Variants in RUNDC3B observed in about 807,000 individuals in gnomAD.
RUNDC3B encodes the protein RUN domain-containing protein 3B.
In RUNDC3B, 33 loss-of-function variants were observed where a neutral mutation model predicts 58.4. That is an observed-to-expected ratio of 0.56 (90% CI 0.43 to 0.75). The LOEUF (loss-of-function observed/expected upper bound fraction) is 0.75. Among genes scored for constraint, RUNDC3B ranks in the 30% least tolerant of loss-of-function variants. RUNDC3B has a pLI of 0.00. For synonymous variants in RUNDC3B, 193 were observed against 195.2 expected, an observed-to-expected ratio of 0.99 and a Z score of 0.10; for missense variants, 501 against 535.7, an observed-to-expected ratio of 0.94 and a Z score of 0.64.
rs1215807778 is a variant in RUNDC3B, at chr7:87,700,537, A to T, written c.355A>T (p.Ser119Cys). 1 of 1,612,760 alleles carries T rather than the reference A, an allele frequency of 6.2e-7. No homozygotes were observed. Among genetic ancestry groups the T allele is most frequent in the Non-Finnish European group, 8.5e-7 (1 of 1,179,638 alleles). The change falls in exon 3 of 11, where the codon AGT becomes TGT. Residue 119 changes from serine to cysteine, a missense_variant. Transcript: ENST00000394654. ...CAGCATTGAAAATATGGAAAATGTC[A>T]GTTCTTCTAGAGCTAAGGTAAGACA... ...ICSIENMENVSSSRAKGRAWI... is the reference protein window; with the variant it reads ...ICSIENMENVCSSRAKGRAWI...
At chr7:87,821,971 A>C (rs1837475511) in intron 10 of RUNDC3B, among the ~76,000 whole-genome samples, 1 of 152,186 alleles carries the variant, frequency 6.6e-6, no homozygotes, top group Non-Finnish European at 1.5e-5. Context: ...CATTCAGGAC[A>C]TAGGCATGGG....
At chr7:87,800,110 T>C (rs1836052669) in intron 8 of RUNDC3B, among the ~76,000 whole-genome samples, 1 of 152,116 alleles carries the variant, frequency 6.6e-6, no homozygotes, top group Admixed American at 6.6e-5. Context: ...ATTGGAATAT[T>C]TGGAACCACA....
At chr7:87,813,648 T>A (rs1307960404) in intron 9 of RUNDC3B, among the ~76,000 whole-genome samples, 1 of 152,140 alleles carries the variant, frequency 6.6e-6, no homozygotes, top group East Asian at 1.9e-4. Context: ...AACTACTTTT[T>A]AAATTCCTAT....
intron 2 of RUNDC3B, among the ~76,000 whole-genome samples, chr7:87,678,273 C>T (rs1826578218): frequency 6.6e-6 from 1 of 152,092 alleles, no homozygotes; most frequent in Non-Finnish European, 1.5e-5. Context: ...CTCTTGAAAG[C>T]AAAATTTATG....
At chr7:87,760,617 C>G (rs1443555350) in intron 6 of RUNDC3B, among the ~76,000 whole-genome samples, 5 of 151,952 alleles carry the variant, frequency 3.3e-5, no homozygotes, top group African/African-American at 9.7e-5. Context: ...ATGCTGCTAG[C>G]ACAAGGATAT....
chr7:87,669,940 A>G (rs886976922), intron 2 of RUNDC3B, among the ~76,000 whole-genome samples: 7 of 152,044 alleles, frequency 4.6e-5, no homozygotes, highest in African/African-American at 1.2e-4. Context: ...AGCTGATGAC[A>G]TGTGTTTTGG....
At chr7:87,826,805 A>C (rs1232338545) in intron 10 of RUNDC3B, among the ~76,000 whole-genome samples, 2 of 152,194 alleles carry the variant, frequency 1.3e-5, no homozygotes, top group African/African-American at 4.8e-5. Flanking sequence ...AATTCTACTA[A>C]AATTATTACA....
In RUNDC3B at chr7:87,823,821, CACATAT is replaced by C. The variant is rs1019469961; in HGVS notation, c.1226-6062_1226-6057del. Among the ~76,000 whole-genome samples the C allele has an allele frequency of 1.3e-4, 20 of 151,030 alleles. 1 individual carries two copies. In the East Asian group the frequency reaches 2.9e-3, roughly 22 times the overall value. On this transcript the variant is annotated intron_variant, in intron 10 of 10. Transcript: ENST00000394654. ...ACACACACACACACACACACACACA[CACATAT>C]ATATATACACACTCACCTACATACA...
At chr7:87,823,314 T>C (rs550676830) in intron 10 of RUNDC3B, among the ~76,000 whole-genome samples, 122 of 152,264 alleles carry the variant, frequency 8.0e-4, no homozygotes, top group African/African-American at 2.9e-3. Context: ...CCAAGTCACA[T>C]AGCCCTTTCC....
At chr7:87,744,614 C>T (rs919193215) in intron 6 of RUNDC3B, among the ~76,000 whole-genome samples, 5 of 152,158 alleles carry the variant, frequency 3.3e-5, no homozygotes, top group African/African-American at 4.8e-5. Flanking sequence ...ATTTGATTCT[C>T]CACTTGGTTG....
At chr7:87,656,676 A>T (rs1824136899) in intron 2 of RUNDC3B, among the ~76,000 whole-genome samples, 1 of 152,144 alleles carries the variant, frequency 6.6e-6, no homozygotes, top group Admixed American at 6.6e-5. Flanking sequence ...GACTTAATTG[A>T]TAGTTTAAAA....
chr7:87,752,228 C>G lies in RUNDC3B; in HGVS notation c.629+10649C>G, dbSNP rs1232417528. On this transcript the variant is annotated intron_variant, in intron 6 of 10. Transcript: ENST00000394654. ...CCTTGCATCCCAGGGATGAAGCCCA[C>G]TTGATCATGGTGGATAAGCTTTTTG... Among the ~76,000 whole-genome samples the G allele has an allele frequency of 4.6e-5, 7 of 152,162 alleles. No individual in the cohort carries two copies. In the East Asian group the frequency reaches 1.2e-3, roughly 25 times the overall value.
chr7:87,752,626 T>G (rs1449345591), intron 6 of RUNDC3B, among the ~76,000 whole-genome samples: 3 of 152,194 alleles, frequency 2.0e-5, no homozygotes, highest in Non-Finnish European at 4.4e-5. Context: ...GTTGAGGAAT[T>G]TATCCATTTC....
chr7:87,760,935 A>G (rs892411685), intron 6 of RUNDC3B, among the ~76,000 whole-genome samples: 1 of 152,032 alleles, frequency 6.6e-6, no homozygotes, highest in Non-Finnish European at 1.5e-5. Flanking sequence ...GTTTTTTAAT[A>G]TGACACCAAA....
At position 87,770,652 on chromosome 7, in the gene RUNDC3B, C is replaced by T. The variant is rs1412903947; in HGVS notation, c.701C>T (p.Pro234Leu). ...LGSSGSESST[P>L]ENVGPPFLMD... is the part of the protein sequence containing the mutation. Reference sequence around the variant, plus strand: ...AGCAGTGGTAGCGAAAGCAGTACTCCAGAGAATGTCGGACCTCCTTTCCTC... The same window carrying T: ...AGCAGTGGTAGCGAAAGCAGTACTCTAGAGAATGTCGGACCTCCTTTCCTC... Residue 234 changes from proline to leucine, a missense_variant, in exon 7 of 11, where the codon CCA becomes CTA. By Grantham distance (98) the Pro-to-Leu change is moderately conservative. Transcript: ENST00000394654. The T allele has an allele frequency of 1.2e-6, 2 of 1,613,194 alleles. No homozygotes were observed. Among genetic ancestry groups the T allele is most frequent in the Non-Finnish European group, 8.5e-7 (1 of 1,179,306 alleles).
chr7:87,819,088 C>T (rs1402822009), intron 10 of RUNDC3B, among the ~76,000 whole-genome samples: 4 of 152,108 alleles, frequency 2.6e-5, no homozygotes, highest in Non-Finnish European at 4.4e-5. Context: ...TATGCCAGTC[C>T]AGCTGAAGGT....
At chr7:87,729,941 C>T (rs567686226) in intron 4 of RUNDC3B, among the ~76,000 whole-genome samples, 2 of 152,230 alleles carry the variant, frequency 1.3e-5, no homozygotes, top group East Asian at 3.9e-4. Context: ...CATTCCAGGC[C>T]CTAGCTCCTG....
intron 9 of RUNDC3B, among the ~76,000 whole-genome samples, chr7:87,814,028 A>G (rs1016854063): frequency 6.6e-6 from 1 of 151,650 alleles, no homozygotes; most frequent in African/African-American, 2.4e-5. Flanking sequence ...ATTTTCTGTG[A>G]TACGATTAAA....
intron 10 of RUNDC3B, among the ~76,000 whole-genome samples, chr7:87,826,440 A>G (rs1233039262): frequency 6.6e-6 from 1 of 151,596 alleles, no homozygotes; most frequent in East Asian, 1.9e-4. Context: ...CCAAGTATCA[A>G]GTATGCCTTA....
Sources: allele counts gnomAD v4.1 joint callset (sites outside exome capture counted in the v4.1 genomes callset), GRCh38; gene constraint gnomAD v4.1.1; transcripts MANE v1.5; gene names NCBI Gene and HGNC (gene_info 2026-07-23, HGNC 2026-07-21).